NPAS3: variants seen among roughly 807,000 people sequenced by gnomAD.
NPAS3 encodes neuronal PAS domain protein 3, also known as neuronal PAS domain-containing protein 3.
In NPAS3, 14 loss-of-function variants were observed where a neutral mutation model predicts 73.1. The observed-to-expected ratio is 0.19, with a 90% confidence interval of 0.13 to 0.30. The LOEUF is 0.30. NPAS3 is among the 10% of genes least tolerant of loss of function. The pLI, the probability that NPAS3 is intolerant of heterozygous loss-of-function variation, is 1.00. For synonymous variants in NPAS3, 620 were observed against 541.5 expected, an observed-to-expected ratio of 1.14 and a Z score of -2.01; for missense variants, 1,096 against 1,250.0, an observed-to-expected ratio of 0.88 and a Z score of 1.86.
intron 4 of NPAS3, among the ~76,000 whole-genome samples, chr14:33,395,882 A>G (rs1204813994): frequency 1.3e-5 from 2 of 152,166 alleles, no homozygotes; most frequent in African/African-American, 4.8e-5. Flanking sequence ...ATTATTCTGC[A>G]TTTCATCTTA....
chr14:33,557,218 T>C (rs2055398751), intron 4 of NPAS3, among the ~76,000 whole-genome samples: 1 of 152,214 alleles, frequency 6.6e-6, no homozygotes, highest in African/African-American at 2.4e-5. Context: ...CAGAAAAGAC[T>C]GCAGAGGGTT....
chr14:33,128,561 T>G (rs2043518800), intron 2 of NPAS3, among the ~76,000 whole-genome samples: 1 of 152,166 alleles, frequency 6.6e-6, no homozygotes, highest in Admixed American at 6.6e-5. Context: ...TTGTGCTATA[T>G]TTTTATAAAA....
intron 2 of NPAS3, among the ~76,000 whole-genome samples, chr14:33,192,045 C>T (rs1027091506): frequency 1.3e-5 from 2 of 152,076 alleles, no homozygotes; most frequent in African/African-American, 2.4e-5. Flanking sequence ...CCTTTCTTCC[C>T]AGCTCACCTG....
chr14:33,138,050 A>ACTTT (rs201952598), intron 2 of NPAS3, among the ~76,000 whole-genome samples: 14 of 116,240 alleles, frequency 1.2e-4, no homozygotes, highest in African/African-American at 4.4e-4. Flanking sequence ...ATAATCTATC[A>ACTTT]CTTTTTTTTT....
intron 1 of NPAS3, among the ~76,000 whole-genome samples, chr14:32,982,829 G>A (rs868099771): frequency 2.5e-4 from 38 of 152,344 alleles, no homozygotes; most frequent in Middle Eastern, 6.8e-3. Context: ...ATATCACTCA[G>A]ATGGTGGAGG....
Position 33,077,489 on chromosome 14 carries a change from T to C in NPAS3, c.140+21495T>C, listed in dbSNP as rs372844136. 2.0e-5 allele frequency among the ~76,000 whole-genome samples: 3 copies of C among 152,208 alleles called. No individual in the cohort carries two copies. The South Asian group carries it at 6.2e-4, about 31-fold the overall frequency. On this transcript the variant is annotated intron_variant, in intron 2 of 11. Transcript: ENST00000356141. ...AGGAGGAATGTATTTGACAGAGCAG[T>C]GAGCTCATTGGATGAAAGGTTCTGT...
At chr14:33,425,856 C>T (rs80200350) in intron 4 of NPAS3, among the ~76,000 whole-genome samples, 2,612 of 152,164 alleles carry the variant, frequency 0.017, 41 homozygotes, top group Admixed American at 0.024. Context: ...CAGCACCTCA[C>T]GGGAACTTGT....
intron 2 of NPAS3, among the ~76,000 whole-genome samples, chr14:33,197,786 T>C (rs2046428547): frequency 6.6e-6 from 1 of 152,228 alleles, no homozygotes; most frequent in Non-Finnish European, 1.5e-5. Context: ...TTGAATCCTT[T>C]CTCTGTAATC....
chr14:32,974,382 A>G (rs2139342317), intron 1 of NPAS3, among the ~76,000 whole-genome samples: 1 of 152,294 alleles, frequency 6.6e-6, no homozygotes, highest in South Asian at 2.1e-4. Context: ...GTTACAGATA[A>G]TGCTTTTGTA....
intron 8 of NPAS3, 78 bp downstream of exon 8, chr14:33,774,608 G>T (rs1256580781): frequency 4.3e-6 from 5 of 1,171,760 alleles, no homozygotes; most frequent in Non-Finnish European, 6.3e-6. Context: ...TCTGAAGGAT[G>T]GTACTCTCCC....
chr14:33,102,718 G>C (rs911475176), intron 2 of NPAS3, among the ~76,000 whole-genome samples: 7 of 152,142 alleles, frequency 4.6e-5, no homozygotes, highest in African/African-American at 1.4e-4. Context: ...TGGGAAGAGG[G>C]GAAGGAAGAC....
intron 3 of NPAS3, among the ~76,000 whole-genome samples, chr14:33,338,140 G>A (rs984255623): frequency 1.2e-4 from 18 of 151,988 alleles, no homozygotes; most frequent in African/African-American, 1.9e-4. Context: ...AGAGCAAACT[G>A]GATAACTTTT....
Position 33,657,361 on chromosome 14 carries a change from A to C in NPAS3, c.559-18850A>C, listed in dbSNP as rs1194073365. 1.3e-5 allele frequency among the ~76,000 whole-genome samples: 2 copies of C among 152,236 alleles called. 1 individual carries two copies. The highest frequency in any genetic ancestry group is 4.1e-4 in the South Asian group (2 of 4,832). ...AAACCAACAAGCATTTATTGAGCACAGTGCTAGGTGTCTTGGGAACTATAA... is the reference window on the plus strand; with the variant it reads ...AAACCAACAAGCATTTATTGAGCACCGTGCTAGGTGTCTTGGGAACTATAA... On this transcript the variant is annotated intron_variant, in intron 5 of 11. Coordinates refer to ENST00000356141, the Ensembl canonical transcript of NPAS3.
At chr14:33,756,455 G>A (rs1251121627) in intron 7 of NPAS3, among the ~76,000 whole-genome samples, 1 of 152,198 alleles carries the variant, frequency 6.6e-6, no homozygotes, top group Non-Finnish European at 1.5e-5. Context: ...GATTGAGACT[G>A]CTCAGATGGA....
chr14:33,143,589 A>C (rs2139191683), intron 2 of NPAS3, among the ~76,000 whole-genome samples: 2 of 152,342 alleles, frequency 1.3e-5, no homozygotes, highest in South Asian at 2.1e-4. Context: ...ACGTAAAATT[A>C]ACCATTTTAC....
intron 6 of NPAS3, among the ~76,000 whole-genome samples, chr14:33,690,871 TAAA>T (rs11361786): frequency 5.6e-5 from 8 of 142,190 alleles, no homozygotes; most frequent in African/African-American, 7.8e-5. Context: ...TAAAATTTGT[TAAA>T]AAAAAAAAAA....
At chr14:33,301,087 G>A (rs2042510897) in intron 3 of NPAS3, among the ~76,000 whole-genome samples, 1 of 151,678 alleles carries the variant, frequency 6.6e-6, no homozygotes, top group Non-Finnish European at 1.5e-5. Context: ...TCAGTCTCCT[G>A]CCCTGGAGCA....
intron 5 of NPAS3, among the ~76,000 whole-genome samples, chr14:33,665,343 T>A (rs992992785): frequency 7.2e-5 from 11 of 152,100 alleles, no homozygotes; most frequent in African/African-American, 2.7e-4. Flanking sequence ...ATACTTAATG[T>A]AGATGACGTG....
chr14:33,774,133 A>G (rs577752093), intron 7 of NPAS3, among the ~76,000 whole-genome samples: 7 of 152,346 alleles, frequency 4.6e-5, no homozygotes, highest in Non-Finnish European at 8.8e-5. Flanking sequence ...TGCTGCCTTG[A>G]GGAACGCCTG....
Sources: allele counts gnomAD v4.1 joint callset (sites outside exome capture counted in the v4.1 genomes callset), GRCh38; gene constraint gnomAD v4.1.1; transcripts MANE v1.5; gene names NCBI Gene and HGNC (gene_info 2026-07-23, HGNC 2026-07-21).